The following LINGO1 variants were observed in gnomAD, a reference collection of about 807,000 sequenced individuals.
LINGO1 encodes leucine rich repeat and Ig domain containing 1.
A neutral mutation model predicts 37.3 loss-of-function variants in LINGO1; 11 were observed. The ratio of observed to expected loss-of-function variants is 0.29; its 90% CI spans 0.19 to 0.49. The LOEUF (loss-of-function observed/expected upper bound fraction) is 0.49. Among genes scored for constraint, LINGO1 ranks in the 20% least tolerant of loss-of-function variants. LINGO1 has a pLI of 0.99. For synonymous variants in LINGO1, 387 were observed against 403.0 expected, an observed-to-expected ratio of 0.96 and a Z score of 0.48; for missense variants, 585 against 878.2, an observed-to-expected ratio of 0.67 and a Z score of 4.22.
At chr15:77,646,714 C>A (rs2074638732) in intron 3 of LINGO1, among the ~76,000 whole-genome samples, 2 of 152,336 alleles carry the variant, frequency 1.3e-5, no homozygotes, top group Admixed American at 6.5e-5. Flanking sequence ...CCCAGGAGCA[C>A]CCCAGGAAGG....
intron 3 of LINGO1, among the ~76,000 whole-genome samples, chr15:77,674,983 A>C (rs985080890): frequency 1.3e-4 from 20 of 152,146 alleles, no homozygotes; most frequent in African/African-American, 4.6e-4. Flanking sequence ...AGAGGACTTG[A>C]CATCAACAAG....
chr15:77,641,870 G>C, intron 3 of LINGO1: 3 of 456,644 alleles, frequency 6.6e-6, no homozygotes, highest in Non-Finnish European at 1.3e-5. Flanking sequence ...GCTGAGGCCA[G>C]CTGGGATGCT....
intron 2 of LINGO1, among the ~76,000 whole-genome samples, chr15:77,723,471 G>A (rs1275636178): frequency 6.6e-6 from 1 of 152,176 alleles, no homozygotes; most frequent in East Asian, 1.9e-4. Flanking sequence ...GTCTCTGCGT[G>A]CTTCTGACGT....
chr15:77,718,674 T>C lies in LINGO1; in HGVS notation c.-195+16318A>G, dbSNP rs561831904. ...GGGTCTAGGGACCCATTAGCATCAC[T>C]TTCTCTGGCAGTATAGACCCCTTAG... On this transcript the variant is annotated intron_variant, in intron 2 of 3. Transcript: ENST00000561686. Among the ~76,000 whole-genome samples, 41 of 150,926 alleles carry C rather than the reference T, an allele frequency of 2.7e-4. 2 individuals carry two copies. The highest frequency in any genetic ancestry group is 9.4e-4 in the African/African-American group (39 of 41,522).
At chr15:77,737,455 G>GAGGGAGGAAGGA (rs1327781758) in intron 1 of LINGO1, among the ~76,000 whole-genome samples, 1 of 151,930 alleles carries the variant, frequency 6.6e-6, no homozygotes, top group Non-Finnish European at 1.5e-5. Context: ...GGGAGGAAGG[G>GAGGGAGGAAGGA]GAGGAAGGAG....
intron 2 of LINGO1, among the ~76,000 whole-genome samples, chr15:77,730,393 G>C (rs2076142843): frequency 6.6e-6 from 1 of 152,214 alleles, no homozygotes; most frequent in South Asian, 2.1e-4. Context: ...CAGCTGGTAA[G>C]TACTGGAGCT....
At chr15:77,672,471 G>A (rs928903069) in intron 3 of LINGO1, among the ~76,000 whole-genome samples, 1 of 152,194 alleles carries the variant, frequency 6.6e-6, no homozygotes, top group Non-Finnish European at 1.5e-5. Context: ...AAACCTTCAA[G>A]ACCCAGCCAA....
chr15:77,780,481 A>C (rs931257046), intron 1 of LINGO1, among the ~76,000 whole-genome samples: 5 of 151,948 alleles, frequency 3.3e-5, no homozygotes, highest in Non-Finnish European at 7.4e-5. Context: ...TGGAGTGTCT[A>C]GTATGCCCAG....
At chr15:77,643,181 TA>T (rs2074548099) in intron 3 of LINGO1, among the ~76,000 whole-genome samples, 1 of 152,208 alleles carries the variant, frequency 6.6e-6, no homozygotes, top group Admixed American at 6.5e-5. Context: ...GGCTGGCACT[TA>T]CAGTATCAGT....
intron 1 of LINGO1, among the ~76,000 whole-genome samples, chr15:77,770,426 A>G (rs2076572746): frequency 6.6e-6 from 1 of 152,084 alleles, no homozygotes; most frequent in African/African-American, 2.4e-5. Flanking sequence ...CGTCTCTACT[A>G]AAAATACAAA....
intron 2 of LINGO1, among the ~76,000 whole-genome samples, chr15:77,711,789 C>T (rs1424672436): frequency 6.6e-6 from 1 of 152,212 alleles, no homozygotes; most frequent in Non-Finnish European, 1.5e-5. Context: ...CTCCACCACA[C>T]CACTGACTTT....
intron 1 of LINGO1, among the ~76,000 whole-genome samples, chr15:77,620,494 G>A (rs1001429836): frequency 1.7e-4 from 26 of 152,228 alleles, no homozygotes; most frequent in African/African-American, 5.3e-4. Context: ...GGGCAGATAC[G>A]GCCTGGTTCA....
At chr15:77,772,849 CA>C (rs2076599858) in intron 1 of LINGO1, among the ~76,000 whole-genome samples, 1 of 152,108 alleles carries the variant, frequency 6.6e-6, no homozygotes, top group Admixed American at 6.5e-5. Context: ...GGAGCAGGCT[CA>C]GGGGGCGCGC....
At chr15:77,719,961 G>A (rs1173505820) in intron 2 of LINGO1, among the ~76,000 whole-genome samples, 1 of 150,288 alleles carries the variant, frequency 6.7e-6, no homozygotes, top group Non-Finnish European at 1.5e-5. Flanking sequence ...TAGGCAAAGA[G>A]AGGAACTGAG....
intron 3 of LINGO1, among the ~76,000 whole-genome samples, chr15:77,642,472 C>T (rs2074529760): frequency 6.6e-6 from 1 of 152,230 alleles, no homozygotes; most frequent in Non-Finnish European, 1.5e-5. Flanking sequence ...AGGCCACTTC[C>T]CCTCAGGCTG....
chr15:77,659,512 C>G (rs534017823), intron 3 of LINGO1, among the ~76,000 whole-genome samples: 1 of 152,296 alleles, frequency 6.6e-6, no homozygotes, highest in South Asian at 2.1e-4. Flanking sequence ...GAACCATGTT[C>G]CAGTTGTGGA....
chr15:77,688,093 G>A (rs2075542753), intron 2 of LINGO1, among the ~76,000 whole-genome samples: 1 of 152,214 alleles, frequency 6.6e-6, no homozygotes, highest in South Asian at 2.1e-4. Flanking sequence ...GGTGACCCAG[G>A]TTTGACCCAA....
chr15:77,702,704 C>A (rs1251935133), intron 2 of LINGO1, among the ~76,000 whole-genome samples: 1 of 152,148 alleles, frequency 6.6e-6, no homozygotes, highest in Non-Finnish European at 1.5e-5. Context: ...TTCCTGACTA[C>A]CTGACTACCT....
intron 2 of LINGO1, among the ~76,000 whole-genome samples, chr15:77,793,861 C>T (rs1018082263): frequency 6.6e-6 from 1 of 152,208 alleles, no homozygotes; most frequent in Admixed American, 6.5e-5. Flanking sequence ...AACACCCAAG[C>T]GCTCACACTT....
Sources: allele counts gnomAD v4.1 joint callset (sites outside exome capture counted in the v4.1 genomes callset), GRCh38; gene constraint gnomAD v4.1.1; transcripts MANE v1.5; gene names NCBI Gene and HGNC (gene_info 2026-07-23, HGNC 2026-07-21).